LIMA1: variants seen among roughly 807,000 people sequenced by gnomAD.
The protein encoded by LIMA1 is LIM domain and actin binding 1, also known as LIM domain and actin-binding protein 1.
A neutral mutation model predicts 62.6 loss-of-function variants in LIMA1; 52 were observed. The observed-to-expected ratio is 0.83, with a 90% CI of 0.67 to 1.05. LIMA1 has a LOEUF of 1.05. Among genes scored for constraint, LIMA1 ranks in the 50% least tolerant of loss-of-function variants. LIMA1 has a pLI of 0.00. For missense variants in LIMA1, 780 were observed against 902.2 expected, an observed-to-expected ratio of 0.86 and a Z score of 1.74; for synonymous variants, 302 against 317.8, an observed-to-expected ratio of 0.95 and a Z score of 0.53.
chr12:50,234,614 T>C (rs1343064974), intron 2 of LIMA1, among the ~76,000 whole-genome samples: 1 of 152,084 alleles, frequency 6.6e-6, no homozygotes, highest in Non-Finnish European at 1.5e-5. Flanking sequence ...GGGCCTGCCT[T>C]AGCAGAACTC....
At chr12:50,270,281 T>C (rs777381496) in intron 1 of LIMA1, among the ~76,000 whole-genome samples, 1 of 139,218 alleles carries the variant, frequency 7.2e-6, no homozygotes, top group African/African-American at 2.7e-5. Context: ...TTAGGTGTTA[T>C]CAACGCATCA....
chr12:50,182,037 TCTAGGAAAAACAAAAAGACAA>T lies in LIMA1; in HGVS notation c.1141-21_1141-1del. On this transcript the variant is annotated splice_acceptor_variant and splice_polypyrimidine_tract_variant and intron_variant, in intron 9 of 10. Transcript: ENST00000341247. LOFTEE classifies it high-confidence loss of function. ...GTCTCTCTTGCAGGTGCCTGAAACT[TCTAGGAAAAACAAAAAGACAA>T]CTTTAGCATGGGCAGCGATGAGTTA... is the stretch of plus-strand genomic sequence containing the variant. 6.2e-7 allele frequency: 1 copy of T among 1,612,404 alleles called. No homozygotes were observed.
At chr12:50,232,528 C>G (rs1316166547) in intron 2 of LIMA1, among the ~76,000 whole-genome samples, 2 of 152,112 alleles carry the variant, frequency 1.3e-5, no homozygotes, top group Non-Finnish European at 2.9e-5. Flanking sequence ...CACCACCACA[C>G]CTGGCTAATT....
intron 1 of LIMA1, among the ~76,000 whole-genome samples, chr12:50,250,290 C>CAAA (rs11327744): frequency 3.1e-5 from 2 of 64,620 alleles, no homozygotes; most frequent in Non-Finnish European, 2.9e-5. Flanking sequence ...AACTCCGTTT[C>CAAA]AAAAAAAAAA....
At chr12:50,246,289 G>A (rs1941848747) in intron 2 of LIMA1, among the ~76,000 whole-genome samples, 1 of 151,420 alleles carries the variant, frequency 6.6e-6, no homozygotes. Context: ...CAGAATGCAT[G>A]TCATGCATGT....
At chr12:50,190,941 G>C (rs1940752511) in intron 9 of LIMA1, among the ~76,000 whole-genome samples, 1 of 151,114 alleles carries the variant, frequency 6.6e-6, no homozygotes, top group Non-Finnish European at 1.5e-5. Flanking sequence ...AACATAGTGA[G>C]ACCCCATCCC....
At chr12:50,194,418 T>A (rs986438228) in intron 8 of LIMA1, among the ~76,000 whole-genome samples, 1 of 152,116 alleles carries the variant, frequency 6.6e-6, no homozygotes, top group Non-Finnish European at 1.5e-5. Context: ...TGCCTCAGTG[T>A]CCTGAGTAGC....
intron 10 of LIMA1, among the ~76,000 whole-genome samples, chr12:50,179,794 G>A (rs891422431): frequency 8.6e-5 from 13 of 151,582 alleles, no homozygotes; most frequent in African/African-American, 3.2e-4. Flanking sequence ...AGGCTGGAGT[G>A]CAATGGTATG....
intron 1 of LIMA1, among the ~76,000 whole-genome samples, chr12:50,259,533 A>T (rs768037452): frequency 1.9e-4 from 29 of 152,220 alleles, no homozygotes; most frequent in Non-Finnish European, 4.1e-4. Flanking sequence ...GAGGAAGCAT[A>T]TATTTTTCAG....
chr12:50,268,127 T>C (rs1942161934), intron 1 of LIMA1, among the ~76,000 whole-genome samples: 2 of 152,176 alleles, frequency 1.3e-5, no homozygotes, highest in South Asian at 2.1e-4. Context: ...ATCTCATTAA[T>C]ATTCTTTCCA....
At chr12:50,214,509 C>T (rs1191606625) in intron 4 of LIMA1, among the ~76,000 whole-genome samples, 2 of 152,170 alleles carry the variant, frequency 1.3e-5, no homozygotes, top group Non-Finnish European at 2.9e-5. Flanking sequence ...AAAATTTTAA[C>T]TTAAAACCAT....
chr12:50,200,869 T>C lies in LIMA1; in HGVS notation c.880A>G (p.Ser294Gly), dbSNP rs1327667789. Residue 294 changes from serine (S) to glycine (G), a missense_variant, in exon 7 of 11, where the codon AGT becomes GGT. Ser to Gly is a moderately conservative substitution (Grantham distance 56). Transcript: ENST00000341247. ...STNYTNELKASGGEIKIHKME... is the reference protein window; with the variant it reads ...STNYTNELKAGGGEIKIHKME... Reference sequence around the variant, plus strand: ...TTATGAATTTTGATTTCGCCACCACTGGCTTTCAGCTCATTCTACAAAATA... The same window carrying C: ...TTATGAATTTTGATTTCGCCACCACCGGCTTTCAGCTCATTCTACAAAATA... The C allele has an allele frequency of 1.2e-6, 2 of 1,614,010 alleles. No individual in the cohort carries two copies. The highest frequency in any genetic ancestry group is 1.7e-6 in the Non-Finnish European group (2 of 1,179,946).
At chr12:50,273,577 A>G (rs1254647707) in intron 1 of LIMA1, among the ~76,000 whole-genome samples, 1 of 152,234 alleles carries the variant, frequency 6.6e-6, no homozygotes, top group African/African-American at 2.4e-5. Flanking sequence ...ATGGAATTAA[A>G]AAAGACTAAC....
intron 3 of LIMA1, among the ~76,000 whole-genome samples, chr12:50,226,612 G>A (rs551140146): frequency 3.9e-5 from 6 of 152,212 alleles, no homozygotes; most frequent in Non-Finnish European, 7.4e-5. Context: ...AGGCCGAGGC[G>A]GGCGGATCAC....
intron 1 of LIMA1, among the ~76,000 whole-genome samples, chr12:50,259,254 C>A (rs1387817485): frequency 6.6e-6 from 1 of 152,152 alleles, no homozygotes; most frequent in African/African-American, 2.4e-5. Flanking sequence ...TTCCAAACTG[C>A]CCTAGCCCTA....
Position 50,222,408 on chromosome 12 carries a change from C to T in LIMA1, c.243G>A (p.Leu81=), listed in dbSNP as rs1941460126. Residue 81 remains leucine (L), a synonymous_variant, in exon 4 of 11, where the codon CTG becomes CTA. Transcript: ENST00000341247. ...GAGAGTCTGTGTGAGACTCTGCTCCCAGCCCTGGGTTCTCCCACTTCTTCT... is the reference window on the plus strand; with the variant it reads ...GAGAGTCTGTGTGAGACTCTGCTCCTAGCCCTGGGTTCTCCCACTTCTTCT... The part of the protein sequence containing the change: ...VLKKKWENPG[L]GAESHTDSLR... 1.2e-6 allele frequency: 2 copies of T among 1,614,038 alleles called. No homozygotes were observed. The highest frequency in any genetic ancestry group is 1.3e-5 in the African/African-American group (1 of 74,904).
At chr12:50,196,874 G>A (rs1243204847) in intron 7 of LIMA1, among the ~76,000 whole-genome samples, 4 of 152,146 alleles carry the variant, frequency 2.6e-5, no homozygotes, top group Non-Finnish European at 4.4e-5. Context: ...CATTTACTGG[G>A]TGTTTACTAT....
In LIMA1 at chr12:50,177,137, A is replaced by G; in HGVS notation, c.2207T>C (p.Val736Ala). ...TTCTTCCACAGAGAGCTCTTTGACC[A>G]CTTCTCCCTCCCAGAGTTCCACATC... Reference protein sequence around the residue: ...SQDVELWEGEVVKELSVEEQI... With the variant: ...SQDVELWEGEAVKELSVEEQI... Residue 736 changes from valine (V) to alanine (A), a missense_variant, in exon 11 of 11, where the codon GTG (valine) becomes GCG (alanine). Val to Ala is a moderately conservative substitution (Grantham distance 64). Coordinates refer to ENST00000341247, the MANE Select transcript of LIMA1 (RefSeq NM_016357.5). 6.2e-7 allele frequency: 1 copy of G among 1,613,238 alleles called. No homozygotes were observed. The highest frequency in any genetic ancestry group is 8.5e-7 in the Non-Finnish European group (1 of 1,179,720).
At chr12:50,279,525 A>T (rs534750238) in intron 1 of LIMA1, among the ~76,000 whole-genome samples, 4 of 152,338 alleles carry the variant, frequency 2.6e-5, no homozygotes, top group Admixed American at 2.6e-4. Flanking sequence ...GGGAGAAAGT[A>T]TAGTGAGAAT....
Sources: allele counts gnomAD v4.1 joint callset (sites outside exome capture counted in the v4.1 genomes callset), GRCh38; gene constraint gnomAD v4.1.1; transcripts MANE v1.5; gene names NCBI Gene and HGNC (gene_info 2026-07-23, HGNC 2026-07-21).